The following CAMK4 variants were observed in gnomAD, a reference collection of about 807,000 sequenced individuals.
The protein encoded by CAMK4 is calcium/calmodulin dependent protein kinase IV, also known as calcium/calmodulin-dependent protein kinase type IV.
Under a neutral mutation model 44.9 loss-of-function variants are expected in CAMK4, and 22 were observed. That is an observed-to-expected ratio of 0.49 (90% CI 0.35 to 0.70). CAMK4 has a LOEUF of 0.70. Among genes scored for constraint, CAMK4 ranks in the 30% least tolerant of loss-of-function variants. CAMK4 has a pLI of 0.01. For missense variants in CAMK4, 498 were observed against 586.8 expected (o/e 0.85, Z 1.56); for synonymous variants, 218 against 215.4 (o/e 1.01, Z -0.11).
chr5:111,406,360 A>G (rs1752430579), intron 5 of CAMK4, among the ~76,000 whole-genome samples: 1 of 151,960 alleles, frequency 6.6e-6, no homozygotes, highest in Admixed American at 6.6e-5. Context: ...AGTAGCTGGG[A>G]CTACAGGTGC....
chr5:111,231,152 G>GCTTTAATACAGTTCATCA (rs2112495734), intron 1 of CAMK4, among the ~76,000 whole-genome samples: 1 of 152,274 alleles, frequency 6.6e-6, no homozygotes, highest in East Asian at 1.9e-4. Context: ...TAAAGGATGT[G>GCTTTAATACAGTTCATCA]GACCCTTCAA....
At chr5:111,444,479 T>A (rs1250951507) in intron 5 of CAMK4, among the ~76,000 whole-genome samples, 7 of 152,122 alleles carry the variant, frequency 4.6e-5, no homozygotes, top group Non-Finnish European at 1.0e-4. Context: ...CATGAAGAGT[T>A]TCTTCATGGA....
At chr5:111,430,179 A>G (rs911738870) in intron 5 of CAMK4, among the ~76,000 whole-genome samples, 6 of 152,180 alleles carry the variant, frequency 3.9e-5, no homozygotes, top group Admixed American at 6.5e-5. Context: ...AAATCAATCA[A>G]TGTGACATGT....
At chr5:111,461,237 A>T (rs1205514732) in intron 7 of CAMK4, among the ~76,000 whole-genome samples, 1 of 152,178 alleles carries the variant, frequency 6.6e-6, no homozygotes, top group Non-Finnish European at 1.5e-5. Context: ...GTCCTTCTCA[A>T]CCTTTCAGAG....
chr5:111,484,084 G>A lies in CAMK4; in HGVS notation c.1040G>A (p.Gly347Asp). Residue 347 changes from glycine (G) to aspartate (D), a missense_variant, in exon 11 of 11, where the codon GGC becomes GAC. Physicochemically the swap from Gly to Asp is moderately conservative, Grantham distance 94. Coordinates refer to ENST00000282356, the MANE Select transcript of CAMK4 (RefSeq NM_001744.6). The surrounding 1 kb of genome is among the most constrained non-coding windows in gnomAD (Gnocchi z 5.3). ...SRLGSASSSH[G>D]SIQESHKASR... ...CTGGGAAGTGCCAGCAGCAGCCATGGCAGCATCCAGGAGAGCCACAAGGCT... is the reference window on the plus strand; with the variant it reads ...CTGGGAAGTGCCAGCAGCAGCCATGACAGCATCCAGGAGAGCCACAAGGCT... 1 of 1,612,470 alleles carries A rather than the reference G, an allele frequency of 6.2e-7. No homozygotes were observed. Among genetic ancestry groups the A allele is most frequent in the Non-Finnish European group, 8.5e-7 (1 of 1,179,180 alleles).
rs1387163203 is a variant in CAMK4 at position 111,490,033 on chromosome 5, C to T, written c.*5567C>T. ...GTTTTCAGCTCATTTTGAAGATTGA[C>T]CTGGAAAACATATAGATACAGAATA... On this transcript the variant is annotated 3_prime_UTR_variant, in exon 11 of 11. Coordinates refer to ENST00000282356, the MANE Select transcript of CAMK4 (RefSeq NM_001744.6). 2 of 152,144 alleles carry T rather than the reference C, an allele frequency of 1.3e-5. No homozygotes were observed. Among genetic ancestry groups the T allele is most frequent in the Non-Finnish European group, 2.9e-5 (2 of 68,024 alleles). 9.4% of individuals were successfully genotyped at this position (152,144 alleles called of 1,614,324 possible). A position where few individuals can be genotyped will look rare whatever the true frequency, so the allele number is the denominator to read the frequency against.
At chr5:111,374,959 G>A in intron 3 of CAMK4, 47 bp downstream of exon 3, 1 of 1,306,902 alleles carries the variant, frequency 7.7e-7, no homozygotes, top group Admixed American at 1.7e-5. Flanking sequence ...CAGAGCTAGA[G>A]AAAGGGACCT....
At chr5:111,399,451 A>G (rs1752143053) in intron 5 of CAMK4, among the ~76,000 whole-genome samples, 1 of 152,220 alleles carries the variant, frequency 6.6e-6, no homozygotes, top group South Asian at 2.1e-4. Flanking sequence ...TTAAAATTGA[A>G]CAGTATTTTG....
chr5:111,243,675 A>C (rs1382331012), intron 1 of CAMK4, among the ~76,000 whole-genome samples: 1 of 152,078 alleles, frequency 6.6e-6, no homozygotes, highest in Non-Finnish European at 1.5e-5. Flanking sequence ...TTGTTTTTGC[A>C]CCTTCTGAAG....
At chr5:111,236,383 G>T (rs185694746) in intron 1 of CAMK4, among the ~76,000 whole-genome samples, 1 of 152,190 alleles carries the variant, frequency 6.6e-6, no homozygotes, top group South Asian at 2.1e-4. Context: ...CTTTAAGTAC[G>T]TTGCTAGTTA....
At position 111,479,317 on chromosome 5, in the gene CAMK4, T is replaced by C. The variant is rs1257055848; in HGVS notation, c.828+810T>C. Among the ~76,000 whole-genome samples the C allele has an allele frequency of 2.6e-5, 4 of 152,336 alleles. No homozygotes were observed. The East Asian group carries it at 7.7e-4, about 29-fold the overall frequency. ...CACTGTGTTAATAGTTCATTTTGTT[T>C]GTTTGTTTTTACATTGCTTCTCACT... On this transcript the variant is annotated intron_variant, in intron 9 of 10. Transcript: ENST00000282356.
chr5:111,311,392 G>A (rs1335015266), intron 1 of CAMK4, among the ~76,000 whole-genome samples: 2 of 152,138 alleles, frequency 1.3e-5, no homozygotes, highest in African/African-American at 4.8e-5. Flanking sequence ...TGTACCTCTG[G>A]GATTTCTGTT....
chr5:111,337,239 T>C (rs1749446698), intron 1 of CAMK4, among the ~76,000 whole-genome samples: 2 of 151,200 alleles, frequency 1.3e-5, no homozygotes, highest in Non-Finnish European at 3.0e-5. Flanking sequence ...TCACAAATTG[T>C]TAATCCACTT....
At chr5:111,447,078 C>A (rs1408953301) in intron 6 of CAMK4, among the ~76,000 whole-genome samples, 1 of 152,098 alleles carries the variant, frequency 6.6e-6, no homozygotes, top group African/African-American at 2.4e-5. Context: ...TTATAGTGAA[C>A]AAAATGATAG....
intron 5 of CAMK4, among the ~76,000 whole-genome samples, chr5:111,443,328 CTATATATACTA>C (rs1177456011): frequency 7.4e-4 from 78 of 106,070 alleles, no homozygotes; most frequent in East Asian, 1.6e-3. Context: ...TATATATATA[CTATATATACTA>C]TATATATACT....
intron 4 of CAMK4, among the ~76,000 whole-genome samples, chr5:111,381,443 G>A (rs1219216130): frequency 6.6e-6 from 1 of 152,170 alleles, no homozygotes; most frequent in Non-Finnish European, 1.5e-5. Context: ...GTAAGTCCAA[G>A]AGTCGGAAAG....
chr5:111,317,936 A>G (rs1044164068), intron 1 of CAMK4, among the ~76,000 whole-genome samples: 9 of 146,790 alleles, frequency 6.1e-5, no homozygotes, highest in Non-Finnish European at 1.1e-4. Flanking sequence ...AAAGGAAAAC[A>G]GGATTAAAAG....
chr5:111,324,402 C>T (rs1370987826), intron 1 of CAMK4, among the ~76,000 whole-genome samples: 1 of 151,826 alleles, frequency 6.6e-6, no homozygotes, highest in African/African-American at 2.4e-5. Context: ...TTATATTTAG[C>T]TGATGATAAA....
rs139153584 is a variant in CAMK4, at chr5:111,456,613, A to G, written c.625+7410A>G. On this transcript the variant is annotated intron_variant, in intron 7 of 10. Transcript: ENST00000282356. ...TTTTTTAGATTTTTAAACTTACTAAATATGAATGTGATAGTTCCTGAGAAT... is the reference window on the plus strand; with the variant it reads ...TTTTTTAGATTTTTAAACTTACTAAGTATGAATGTGATAGTTCCTGAGAAT... Among the ~76,000 whole-genome samples the G allele has an allele frequency of 1.4e-4, 21 of 152,268 alleles. No homozygotes were observed. In the East Asian group the frequency reaches 1.9e-3, roughly 14 times the overall value.
Sources: gnomAD v4.1 joint callset for allele counts (sites outside exome capture counted in the v4.1 genomes callset) on GRCh38, gnomAD v4.1.1 for gene constraint, Gnocchi (gnomAD v3.1) non-coding constraint, MANE v1.5 for transcripts, NCBI Gene and HGNC (gene_info 2026-07-23, HGNC 2026-07-21) for gene names.